The following SMARCAL1 variants were observed in gnomAD, a reference collection of about 807,000 sequenced individuals.
SMARCAL1 encodes SNF2 related chromatin remodeling annealing helicase 1.
A neutral mutation model predicts 94.5 loss-of-function variants in SMARCAL1; 58 were observed. That is an observed-to-expected ratio of 0.61 (90% CI 0.50 to 0.76). The LOEUF (loss-of-function observed/expected upper bound fraction) is 0.76. SMARCAL1 is among the 30% of genes least tolerant of loss of function. The probability of loss-of-function intolerance (pLI) is 0.00; values close to 1 mark genes in which losing one functional copy is unlikely to be tolerated. For synonymous variants in SMARCAL1, 422 were observed against 455.1 expected (o/e 0.93, Z 0.93); for missense variants, 1,051 against 1,177.9 (o/e 0.89, Z 1.58).
chr2:216,425,148 C>G (rs1244777431), intron 6 of SMARCAL1, among the ~76,000 whole-genome samples: 1 of 152,234 alleles, frequency 6.6e-6, no homozygotes, highest in African/African-American at 2.4e-5. Flanking sequence ...GCTCACGCTA[C>G]CAGTCCAGAT....
chr2:216,421,175 G>A (rs1370789566), intron 5 of SMARCAL1, among the ~76,000 whole-genome samples: 1 of 152,182 alleles, frequency 6.6e-6, no homozygotes, highest in Non-Finnish European at 1.5e-5. Context: ...TATTTTGTCG[G>A]AGGTGGGGCT....
At chr2:216,450,183 G>T (rs186864969) in intron 11 of SMARCAL1, among the ~76,000 whole-genome samples, 1 of 152,304 alleles carries the variant, frequency 6.6e-6, no homozygotes, top group Admixed American at 6.5e-5. Context: ...GATGGGGAAT[G>T]AACATTTGAG....
chr2:216,432,712 C>T lies in SMARCAL1; in HGVS notation c.1335-6C>T, dbSNP rs1348472847. On this transcript the variant is annotated splice_region_variant and splice_polypyrimidine_tract_variant and intron_variant, in intron 7 of 17. Transcript: ENST00000357276. ...AATGTGCCATCCTCACCTTGTCTGC[C>T]TTCAGTTTTGCCATAGCCAAAGGAG... The T allele has an allele frequency of 8.7e-6, 14 of 1,614,070 alleles. No individual in the cohort carries two copies. The highest frequency in any genetic ancestry group is 1.7e-4 in the Middle Eastern group (1 of 6,054).
chr2:216,455,126 A>T (rs1048017338), intron 12 of SMARCAL1, among the ~76,000 whole-genome samples: 3 of 152,238 alleles, frequency 2.0e-5, no homozygotes, highest in Non-Finnish European at 4.4e-5. Flanking sequence ...CTGAGATCGA[A>T]CTGCAAGGCA....
In SMARCAL1 at chr2:216,467,961, T is replaced by G; in HGVS notation, c.2159T>G (p.Leu720Arg). 1 of 1,610,222 alleles carries G rather than the reference T, an allele frequency of 6.2e-7. No homozygotes were observed. The highest frequency in any genetic ancestry group is 2.2e-5 in the East Asian group (1 of 44,862). ...IPSVIEYILD[L>R]LESGREKFLV... ...AAATGCAGTGAATATATCTTGGACC[T>G]ACTGGAAAGTGGAAGAGAGAAGTTT... Residue 720 changes from leucine (L) to arginine (R), a missense_variant, in exon 14 of 18, where the codon CTA (leucine) becomes CGA (arginine). Physicochemically the swap from Leu to Arg is moderately radical, Grantham distance 102. Transcript: ENST00000357276.
chr2:216,467,338 G>T (rs1694849380), intron 13 of SMARCAL1, among the ~76,000 whole-genome samples: 1 of 152,034 alleles, frequency 6.6e-6, no homozygotes, highest in Non-Finnish European at 1.5e-5. Flanking sequence ...GGGCGTTGTG[G>T]TACACACCTG....
chr2:216,426,484 C>T (rs1233365079), intron 6 of SMARCAL1, among the ~76,000 whole-genome samples: 1 of 152,140 alleles, frequency 6.6e-6, no homozygotes, highest in Non-Finnish European at 1.5e-5. Flanking sequence ...AAGATGATTC[C>T]ATAGATCCTG....
chr2:216,447,752 C>T (rs560156758), intron 11 of SMARCAL1, among the ~76,000 whole-genome samples: 130 of 152,292 alleles, frequency 8.5e-4, no homozygotes, highest in African/African-American at 2.9e-3. Flanking sequence ...GAGTGCAGTG[C>T]CAATGGCGCA....
chr2:216,427,877 G>A (rs944618608), intron 6 of SMARCAL1, among the ~76,000 whole-genome samples: 3 of 152,182 alleles, frequency 2.0e-5, no homozygotes, highest in Non-Finnish European at 2.9e-5. Flanking sequence ...TTTTATGTAC[G>A]TGTATGAAAT....
intron 17 of SMARCAL1, among the ~76,000 whole-genome samples, chr2:216,479,804 C>G (rs564031442): frequency 6.6e-6 from 1 of 152,150 alleles, no homozygotes; most frequent in Non-Finnish European, 1.5e-5. Context: ...GCTCAAGCCT[C>G]TAATCCCACA....
At chr2:216,429,442 GA>G (rs1693913908) in intron 7 of SMARCAL1, among the ~76,000 whole-genome samples, 2 of 152,156 alleles carry the variant, frequency 1.3e-5, no homozygotes, top group South Asian at 4.1e-4. Flanking sequence ...ATTAGAGGAA[GA>G]AAAAAGATAA....
chr2:216,422,333 T>C (rs950562314), intron 5 of SMARCAL1, among the ~76,000 whole-genome samples: 2 of 152,054 alleles, frequency 1.3e-5, no homozygotes, highest in Admixed American at 6.6e-5. Flanking sequence ...TGAGCCTAGA[T>C]CGCACCACTG....
intron 12 of SMARCAL1, chr2:216,451,535 A>T (rs574655800): frequency 5.2e-6 from 1 of 193,094 alleles, no homozygotes; most frequent in Middle Eastern, 2.4e-3. Context: ...AAATCCTCCT[A>T]ACCTTTTAAA....
chr2:216,427,625 A>G (rs1279495904), intron 6 of SMARCAL1, among the ~76,000 whole-genome samples: 2 of 152,202 alleles, frequency 1.3e-5, no homozygotes, highest in Non-Finnish European at 2.9e-5. Context: ...AACCTTCCCT[A>G]ATTTCTTCTC....
chr2:216,446,462 C>A (rs912413034), intron 10 of SMARCAL1, among the ~76,000 whole-genome samples: 7 of 152,156 alleles, frequency 4.6e-5, no homozygotes, highest in African/African-American at 1.7e-4. Flanking sequence ...CATTGGCAAC[C>A]CCTGACACTT....
At chr2:216,423,521 C>A in intron 5 of SMARCAL1, 112 bp from the exon 6 acceptor site, 1 of 900,280 alleles carries the variant, frequency 1.1e-6, no homozygotes, top group Non-Finnish European at 1.9e-6. Context: ...CCAGCTGCCA[C>A]ATTGTCTAAG....
At chr2:216,451,808 C>T (rs1404509343) in intron 12 of SMARCAL1, among the ~76,000 whole-genome samples, 1 of 152,180 alleles carries the variant, frequency 6.6e-6, no homozygotes, top group Non-Finnish European at 1.5e-5. Flanking sequence ...TGTTTCTGTC[C>T]TCTTAGATAA....
intron 5 of SMARCAL1, among the ~76,000 whole-genome samples, chr2:216,421,727 G>T (rs1345417215): frequency 6.6e-6 from 1 of 152,102 alleles, no homozygotes; most frequent in Non-Finnish European, 1.5e-5. Flanking sequence ...AGTTTTTATG[G>T]ATCAGTGTTT....
rs1046678608 is a variant in SMARCAL1 at position 216,415,444 on chromosome 2, G to A, written c.740G>A (p.Arg247His). 3.7e-6 allele frequency: 6 copies of A among 1,614,152 alleles called. No individual in the cohort carries two copies. Among genetic ancestry groups the A allele is most frequent in the East Asian group, 2.2e-5 (1 of 44,884 alleles). The change falls in exon 3 of 18, where the codon CGT becomes CAT. Residue 247 changes from arginine to histidine, a missense_variant. Physicochemically the swap from Arg to His is conservative, Grantham distance 29. This residue lies in a region of SMARCAL1 where 398 missense variants were observed against 395.2 expected (regional missense o/e 1.01). Transcript: ENST00000357276. ...QKGKCVRNGD[R>H]FQVLIGYNAE... Reference sequence around the variant, plus strand: ...GGAAAGTGCGTAAGGAACGGCGATCGTTTCCAGGTGTTGATTGGGTACAAT... The same window carrying A: ...GGAAAGTGCGTAAGGAACGGCGATCATTTCCAGGTGTTGATTGGGTACAAT...
Sources: gnomAD v4.1 joint callset for allele counts (sites outside exome capture counted in the v4.1 genomes callset) on GRCh38, gnomAD v4.1.1 for gene constraint, gnomAD v4.1.1 regional missense constraint, MANE v1.5 for transcripts, NCBI Gene and HGNC (gene_info 2026-07-23, HGNC 2026-07-21) for gene names.